ESCO2: variants seen among roughly 807,000 people sequenced by gnomAD.
ESCO2 encodes the protein establishment of sister chromatid cohesion N-acetyltransferase 2, also known as N-acetyltransferase ESCO2.
In ESCO2, 51 loss-of-function variants were observed where a neutral mutation model predicts 61.7. The observed-to-expected ratio is 0.83, with a 90% CI of 0.66 to 1.04. The LOEUF (loss-of-function observed/expected upper bound fraction) is 1.04, where lower values mean the gene tolerates loss of function less well. Ranked by LOEUF, ESCO2 falls within the 50% of genes least tolerant of loss-of-function variation. The probability of loss-of-function intolerance (pLI) is 0.00; values close to 1 mark genes in which losing one functional copy is unlikely to be tolerated. For synonymous variants in ESCO2, 230 were observed against 238.2 expected (o/e 0.97, Z 0.32); for missense variants, 692 against 686.2 (o/e 1.01, Z -0.09).
At chr8:27,787,329 T>G (rs971782007) in intron 5 of ESCO2, among the ~76,000 whole-genome samples, 15 of 103,820 alleles carry the variant, frequency 1.4e-4, no homozygotes, top group Admixed American at 1.8e-4. Context: ...TATGTTTTTG[T>G]TTTTTTTTTT....
intron 9 of ESCO2, 31 bp from the exon 10 acceptor site, chr8:27,799,510 T>TA: frequency 6.2e-7 from 1 of 1,612,196 alleles, no homozygotes; most frequent in South Asian, 1.1e-5. Context: ...TCTGTGGTGT[T>TA]AGCTATAGAT....
At chr8:27,777,398 C>T (rs1439298395) in intron 3 of ESCO2, 5 of 321,146 alleles carry the variant, frequency 1.6e-5, no homozygotes, top group Non-Finnish European at 2.8e-5. Flanking sequence ...ACCTCCTAGG[C>T]TCAAGCAATC....
intron 1 of ESCO2, among the ~76,000 whole-genome samples, chr8:27,775,272 G>T (rs751846213): frequency 6.6e-6 from 1 of 152,086 alleles, no homozygotes; most frequent in Non-Finnish European, 1.5e-5. Context: ...GTTGAGATGG[G>T]GAAACAAGAA....
intron 5 of ESCO2, among the ~76,000 whole-genome samples, chr8:27,786,983 A>G (rs1805060832): frequency 6.6e-6 from 1 of 152,042 alleles, no homozygotes; most frequent in Admixed American, 6.6e-5. Flanking sequence ...CTACAGAACC[A>G]GCAGGCTGGG....
chr8:27,789,661 A>T (rs988186440), intron 7 of ESCO2, among the ~76,000 whole-genome samples: 39 of 151,798 alleles, frequency 2.6e-4, no homozygotes, highest in African/African-American at 9.2e-4. Flanking sequence ...GGTGCCTGTA[A>T]TCCCAGCTAC....
chr8:27,781,696 G>A (rs550098865), intron 4 of ESCO2, among the ~76,000 whole-genome samples: 2 of 151,966 alleles, frequency 1.3e-5, no homozygotes, highest in African/African-American at 4.8e-5. Flanking sequence ...AAGTAGCTGG[G>A]ATTACAGGCA....
Position 27,792,052 on chromosome 8 carries a change from G to T in ESCO2, c.1353G>T (p.Lys451Asn). 6.2e-7 allele frequency: 1 copy of T among 1,613,878 alleles called. No homozygotes were observed. The highest frequency in any genetic ancestry group is 8.5e-7 in the Non-Finnish European group (1 of 1,179,918). The change falls in exon 8 of 11, where the codon AAG becomes AAT. Residue 451 changes from lysine (K) to asparagine (N), a missense_variant and splice_region_variant. Physicochemically the swap from Lys to Asn is moderately conservative, Grantham distance 94 (BLOSUM62 0). Coordinates refer to ENST00000305188, the MANE Select transcript of ESCO2 (RefSeq NM_001017420.3). ...ATGATCCAAGCTTTGCTATCAAAAA[G>T]GTATGGAACATTATCTTTTTATCTC... Reference protein sequence around the residue: ...LPHDPSFAIKKVEDVQELVDN... With the variant: ...LPHDPSFAIKNVEDVQELVDN...
intron 2 of ESCO2, among the ~76,000 whole-genome samples, 162 bp downstream of exon 2, chr8:27,775,729 TAA>T (rs936099791): frequency 2.0e-5 from 3 of 152,240 alleles, no homozygotes; most frequent in African/African-American, 7.2e-5. Flanking sequence ...GGAAATACAT[TAA>T]GTTTTCATAA....
rs1328290091 is a variant in ESCO2 at position 27,784,071 on chromosome 8, T to C, written c.1013+14T>C. ...CAATTCAAAAAGGTGAGAATTGTTA[T>C]TGTTTTAAAGTCCAAGCCTTGTAAA... On this transcript the variant is annotated intron_variant, in intron 5 of 10. Coordinates refer to ENST00000305188, the MANE Select transcript of ESCO2 (RefSeq NM_001017420.3). 3.7e-6 allele frequency: 6 copies of C among 1,611,070 alleles called. No homozygotes were observed. The highest frequency in any genetic ancestry group is 2.2e-5 in the East Asian group (1 of 44,768).
Position 27,776,347 on chromosome 8 carries a change from T to G in ESCO2, c.54-15T>G, listed in dbSNP as rs1204018662. 6.3e-7 allele frequency: 1 copy of G among 1,590,768 alleles called. No homozygotes were observed. The highest frequency in any genetic ancestry group is 8.6e-7 in the Non-Finnish European group (1 of 1,165,398). ...GCAAAATAATCTTATCAATGGACTT[T>G]GTTTCTTTTTATAGCCTTTTACACT... On this transcript the variant is annotated splice_polypyrimidine_tract_variant and intron_variant, in intron 2 of 10. Coordinates refer to ENST00000305188, the MANE Select transcript of ESCO2 (RefSeq NM_001017420.3).
At chr8:27,790,084 C>A (rs905122652) in intron 7 of ESCO2, among the ~76,000 whole-genome samples, 4 of 152,210 alleles carry the variant, frequency 2.6e-5, no homozygotes, top group African/African-American at 7.2e-5. Flanking sequence ...AGACTCCTTA[C>A]CTTGGCTGAC....
intron 2 of ESCO2, among the ~76,000 whole-genome samples, chr8:27,775,777 G>A (rs1348337009): frequency 6.6e-6 from 1 of 152,184 alleles, no homozygotes; most frequent in Non-Finnish European, 1.5e-5. Context: ...AATCAAAGCT[G>A]TTTTTTAGTT....
chr8:27,816,362 T>TATATATATATATATATATATATATATATA (rs1491202470), downstream of ESCO2, among the ~76,000 whole-genome samples: 1 of 130,250 alleles, frequency 7.7e-6, no homozygotes, highest in Non-Finnish European at 1.6e-5. Flanking sequence ...TATATATTTA[T>TATATATATATATATATATATATATATATA]TTATTTATTT....
At position 27,792,013 on chromosome 8, in the gene ESCO2, G is replaced by T. The variant is rs1362438428; in HGVS notation, c.1314G>T (p.Val438=). The T allele has an allele frequency of 6.2e-7, 1 of 1,614,072 alleles. No homozygotes were observed. The highest frequency in any genetic ancestry group is 8.5e-7 in the Non-Finnish European group (1 of 1,180,008). ...CAGAGTTTTGGGATGGGAAAATCGT[G>T]TTGGTTCTGCCACATGATCCAAGCT... ...VVAEFWDGKI[V]LVLPHDPSFA... The change falls in exon 8 of 11, where the codon GTG becomes GTT. Residue 438 remains valine, a synonymous_variant. Transcript: ENST00000305188.
chr8:27,796,303 G>A (rs896054581), intron 9 of ESCO2, among the ~76,000 whole-genome samples: 1 of 151,798 alleles, frequency 6.6e-6, no homozygotes, highest in African/African-American at 2.4e-5. Flanking sequence ...TTGTGATTTT[G>A]TTTAGTTGAG....
intron 1 of ESCO2, chr8:27,774,957 G>A (rs1473112834): frequency 6.4e-6 from 1 of 156,246 alleles, no homozygotes; most frequent in Non-Finnish European, 1.4e-5. Context: ...AGAGACCCTG[G>A]CCTTTCAGTT....
chr8:27,796,715 T>C (rs1450811731), intron 9 of ESCO2, among the ~76,000 whole-genome samples: 1 of 152,240 alleles, frequency 6.6e-6, no homozygotes, highest in Non-Finnish European at 1.5e-5. Context: ...TCTAATTTTA[T>C]ACTGCTATGA....
chr8:27,788,531 T>A (rs56006145), intron 6 of ESCO2, among the ~76,000 whole-genome samples: 2 of 151,204 alleles, frequency 1.3e-5, no homozygotes, highest in African/African-American at 4.9e-5. Flanking sequence ...CTCTTTTTTT[T>A]CCCCCCCCAA....
intron 8 of ESCO2, 94 bp downstream of exon 8, chr8:27,792,146 C>T: frequency 8.8e-7 from 1 of 1,132,958 alleles, no homozygotes; most frequent in East Asian, 2.4e-5. Context: ...ACAGATAATT[C>T]ACTTGGGTAC....
Sources: gnomAD v4.1 joint callset for allele counts (sites outside exome capture counted in the v4.1 genomes callset) on GRCh38, gnomAD v4.1.1 for gene constraint, MANE v1.5 for transcripts, NCBI Gene and HGNC (gene_info 2026-07-23, HGNC 2026-07-21) for gene names.